SEC16A: variants seen among roughly 807,000 people sequenced by gnomAD.
SEC16A encodes the protein SEC16 homolog A, endoplasmic reticulum export factor, also known as protein transport protein Sec16A.
In SEC16A, 110 loss-of-function variants were observed where a neutral mutation model predicts 221.9. That is an observed-to-expected ratio of 0.50 (90% CI 0.42 to 0.58). The LOEUF (loss-of-function observed/expected upper bound fraction) is 0.58. SEC16A is among the 20% of genes least tolerant of loss of function. SEC16A has a pLI of 0.00. For synonymous variants in SEC16A, 1,393 were observed against 1,257.7 expected (o/e 1.11, Z -2.28); for missense variants, 3,165 against 3,097.8 (o/e 1.02, Z -0.52).
chr9:136,447,601 C>T lies in SEC16A; in HGVS notation c.6527G>A (p.Gly2176Glu), dbSNP rs369288224. The change falls in exon 26 of 32, where the codon GGA (glycine) becomes GAA (glutamate). Residue 2176 changes from glycine (G) to glutamate (E), a missense_variant. By Grantham distance (98) the Gly-to-Glu change is moderately conservative (BLOSUM62 -2). Coordinates refer to ENST00000684901, the MANE Select transcript of SEC16A (RefSeq NM_014866.2). The surrounding 1 kb of genome is among the most constrained non-coding windows in gnomAD (Gnocchi z 5.5). ...TCTAGAGTACATGTTCACGGGGGCTCCAGGAGGCCCTGGGAGGGCAGGCGG... is the reference window on the plus strand; with the variant it reads ...TCTAGAGTACATGTTCACGGGGGCTTCAGGAGGCCCTGGGAGGGCAGGCGG... ...AAPPALPGPP[G>E]APVNMYSRRA... 1.2e-5 allele frequency: 20 copies of T among 1,613,738 alleles called. No homozygotes were observed. The highest frequency in any genetic ancestry group is 1.6e-5 in the Non-Finnish European group (19 of 1,179,776).
At chr9:136,448,022 G>C (rs191332476) in intron 24 of SEC16A, 62 bp downstream of exon 24, 4 of 1,548,806 alleles carry the variant, frequency 2.6e-6, no homozygotes, top group African/African-American at 2.7e-5. Context: ...GGTCTGCTCT[G>C]AAAGTGACAG....
intron 1 of SEC16A, among the ~76,000 whole-genome samples, chr9:136,481,129 CTTTTTTT>C (rs1000992506): frequency 1.0e-4 from 9 of 87,974 alleles, no homozygotes; most frequent in South Asian, 7.9e-4. Context: ...GAATTTTATT[CTTTTTTT>C]TTTTTTTTTT....
upstream of SEC16A, chr9:136,484,605 C>T (rs1842764872): frequency 7.4e-7 from 1 of 1,358,440 alleles, no homozygotes; most frequent in African/African-American, 1.5e-5. Flanking sequence ...GAGGTCCTCC[C>T]TGGGTGGGAG....
chr9:136,466,854 A>G lies in SEC16A; in HGVS notation c.3929+103T>C, dbSNP rs972697860. ...CAAAACATCAGGCAGATGCTCACCC[A>G]AACTACCACAGCTCTTTGTTAAAAC... On this transcript the variant is annotated intron_variant, in intron 6 of 31. Coordinates refer to ENST00000684901, the MANE Select transcript of SEC16A (RefSeq NM_014866.2). The surrounding 1 kb of genome is among the most constrained non-coding windows in gnomAD (Gnocchi z 5.5). 28 of 1,397,864 alleles carry G rather than the reference A, an allele frequency of 2.0e-5. No homozygotes were observed. Among genetic ancestry groups the G allele is most frequent in the Non-Finnish European group, 2.6e-5 (27 of 1,045,190 alleles). The allele number at this position is 1,397,864 out of a possible 1,614,324, so 86.6% of individuals were successfully genotyped here. A position where few individuals can be genotyped will look rare whatever the true frequency, so the allele number is the denominator to read the frequency against.
At position 136,466,153 on chromosome 9, in the gene SEC16A, A is replaced by G. The variant is rs1840122199; in HGVS notation, c.4129-17T>C. ...AATCTGACTCTTAGAAAACAAAGCA[A>G]ACGGGCAAAATCAATTCCCCAGGCA... On this transcript the variant is annotated splice_polypyrimidine_tract_variant and intron_variant, in intron 7 of 31. Coordinates refer to ENST00000684901, the MANE Select transcript of SEC16A (RefSeq NM_014866.2). The surrounding 1 kb of genome is among the most constrained non-coding windows in gnomAD (Gnocchi z 5.5). 6.3e-7 allele frequency: 1 copy of G among 1,576,946 alleles called. No individual in the cohort carries two copies. The highest frequency in any genetic ancestry group is 1.4e-5 in the African/African-American group (1 of 73,970).
chr9:136,481,092 G>A (rs1197542111), intron 1 of SEC16A, among the ~76,000 whole-genome samples: 1 of 148,802 alleles, frequency 6.7e-6, no homozygotes. Flanking sequence ...CAATGCAACT[G>A]CCTATCACCT....
intron 8 of SEC16A, 88 bp from the exon 9 acceptor site, chr9:136,464,650 A>G: frequency 8.4e-7 from 1 of 1,194,638 alleles, no homozygotes; most frequent in Non-Finnish European, 1.2e-6. Context: ...CACAGCTTAA[A>G]TCACAGGTTA....
At position 136,440,592 on chromosome 9, in the gene SEC16A, A is replaced by G. The variant is rs1836084154; in HGVS notation, c.*1163T>C. 1 of 152,688 alleles carries G rather than the reference A, an allele frequency of 6.5e-6. No individual in the cohort carries two copies. Among genetic ancestry groups the G allele is most frequent in the Admixed American group, 6.5e-5 (1 of 15,284 alleles). 9.5% of individuals were successfully genotyped at this position (152,688 alleles called of 1,614,324 possible). On this transcript the variant is annotated 3_prime_UTR_variant, in exon 32 of 32. Coordinates refer to ENST00000684901, the MANE Select transcript of SEC16A (RefSeq NM_014866.2). ...ACTTGACAAGAATACGAAGAGTTTC[A>G]GAACAGTCAGAGAAGCCTTAAAGCT... is the stretch of plus-strand genomic sequence containing the variant.
At chr9:136,450,179 G>C (rs141834295) in intron 23 of SEC16A, among the ~76,000 whole-genome samples, 93 of 152,238 alleles carry the variant, frequency 6.1e-4, no homozygotes, top group African/African-American at 2.1e-3. Flanking sequence ...ACTCCAGCCT[G>C]GCTGACAGAG....
At chr9:136,469,905 C>G (rs549196059) in intron 4 of SEC16A, among the ~76,000 whole-genome samples, 1 of 152,184 alleles carries the variant, frequency 6.6e-6, no homozygotes, top group Non-Finnish European at 1.5e-5. Context: ...CCCTGCTGAC[C>G]GACAGCCTGA....
At position 136,455,106 on chromosome 9, in the gene SEC16A, C is replaced by T. The variant is rs916811838; in HGVS notation, c.5857+495G>A. Among the ~76,000 whole-genome samples, 8 of 152,294 alleles carry T rather than the reference C, an allele frequency of 5.3e-5. No individual in the cohort carries two copies. In the East Asian group the frequency reaches 9.7e-4, roughly 18 times the overall value. Reference sequence around the variant, plus strand: ...AGGAGCCCGTGCTCATCCAGGCATGCGGACCTGCGTGCAGGCCGCGCTGGT... The same window carrying T: ...AGGAGCCCGTGCTCATCCAGGCATGTGGACCTGCGTGCAGGCCGCGCTGGT... On this transcript the variant is annotated intron_variant, in intron 20 of 31. Coordinates refer to ENST00000684901, the MANE Select transcript of SEC16A (RefSeq NM_014866.2).
rs768958293 is a variant in SEC16A, at chr9:136,455,781, C to T, written c.5677G>A (p.Val1893Ile). The change falls in exon 20 of 32, where the codon GTA becomes ATA. Residue 1893 changes from valine (V) to isoleucine (I), a missense_variant. Val to Ile is a conservative substitution (Grantham distance 29, BLOSUM62 3). This residue lies in a region of SEC16A where 1,088 missense variants were observed against 1,089.6 expected (regional missense o/e 1.00). Transcript: ENST00000684901. Reference sequence around the variant, plus strand: ...GGGAGGGCTCCATCCTGATGCCATACTCCAGCCCCCTCCTGAGGGAGAACA... The same window carrying T: ...GGGAGGGCTCCATCCTGATGCCATATTCCAGCCCCCTCCTGAGGGAGAACA... ...VERQIKEGAG[V>I]WHQDGALPQQ... 1.4e-5 allele frequency: 22 copies of T among 1,597,518 alleles called. No homozygotes were observed. Among genetic ancestry groups the T allele is most frequent in the Non-Finnish European group, 1.9e-5 (22 of 1,172,336 alleles).
chr9:136,455,789 C>A lies in SEC16A; in HGVS notation c.5669G>T (p.Gly1890Val). ...TCCATCCTGATGCCATACTCCAGCCCCCTCCTGAGGGAGAACAAGACCTGC... is the reference window on the plus strand; with the variant it reads ...TCCATCCTGATGCCATACTCCAGCCACCTCCTGAGGGAGAACAAGACCTGC... ...LQQVERQIKE[G>V]AGVWHQDGAL... is the part of the protein sequence containing the mutation. The change falls in exon 20 of 32, where the codon GGG (glycine) becomes GTG (valine). Residue 1890 changes from glycine to valine, a missense_variant. This residue lies in a region of SEC16A where 1,088 missense variants were observed against 1,089.6 expected (regional missense o/e 1.00). Coordinates refer to ENST00000684901, the MANE Select transcript of SEC16A (RefSeq NM_014866.2). 6.3e-7 allele frequency: 1 copy of A among 1,596,078 alleles called. No homozygotes were observed. Among genetic ancestry groups the A allele is most frequent in the East Asian group, 2.3e-5 (1 of 43,790 alleles).
Position 136,476,776 on chromosome 9 carries a change from T to C in SEC16A, c.840A>G (p.Arg280=), listed in dbSNP as rs1259153121. 6.2e-7 allele frequency: 1 copy of C among 1,611,386 alleles called. No homozygotes were observed. The highest frequency in any genetic ancestry group is 8.5e-7 in the Non-Finnish European group (1 of 1,178,152). Reference sequence around the variant, plus strand: ...CACTTTGCAAGTGGCTCACCTCGTCTCTTCCGTCACTGGGCAAGGCTGCTG... The same window carrying C: ...CACTTTGCAAGTGGCTCACCTCGTCCCTTCCGTCACTGGGCAAGGCTGCTG... ...APPAALPSDG[R]DEVSHLQSGS... The change falls in exon 3 of 32, where the codon AGA becomes AGG. Residue 280 remains arginine (R), a synonymous_variant. Coordinates refer to ENST00000684901, the MANE Select transcript of SEC16A (RefSeq NM_014866.2).
upstream of SEC16A, chr9:136,483,126 C>G (rs1842629843): frequency 1.6e-6 from 1 of 630,498 alleles, no homozygotes; most frequent in African/African-American, 2.0e-5. Context: ...CGCCCCTCGG[C>G]TCGTCGGCCC....
chr9:136,459,938 C>T lies in SEC16A; in HGVS notation c.5074-64G>A, dbSNP rs963999135. On this transcript the variant is annotated intron_variant, in intron 14 of 31. Coordinates refer to ENST00000684901, the MANE Select transcript of SEC16A (RefSeq NM_014866.2). This position sits in a 1 kb window ranked among gnomAD's most constrained non-coding sequence, Gnocchi z 6.1. ...AAGCCAGCGCCATTTCAATTCCACACAGCTGGGCTCACCAGGCACCTCACG... is the reference window on the plus strand; with the variant it reads ...AAGCCAGCGCCATTTCAATTCCACATAGCTGGGCTCACCAGGCACCTCACG... 6 of 1,544,954 alleles carry T rather than the reference C, an allele frequency of 3.9e-6. No homozygotes were observed. The highest frequency in any genetic ancestry group is 1.4e-5 in the African/African-American group (1 of 73,426).
At chr9:136,462,351 G>A (rs1489563303) in intron 12 of SEC16A, among the ~76,000 whole-genome samples, 1 of 152,064 alleles carries the variant, frequency 6.6e-6, no homozygotes, top group Non-Finnish European at 1.5e-5. Context: ...CAACCCCACT[G>A]TCCCAGAGCA....
chr9:136,483,253 G>C (rs1464261930), upstream of SEC16A, among the ~76,000 whole-genome samples: 2 of 77,696 alleles, frequency 2.6e-5, no homozygotes, highest in Non-Finnish European at 4.9e-5. Flanking sequence ...CCTCGCCGGC[G>C]TCCGTTCTTC....
intron 13 of SEC16A, 93 bp downstream of exon 13, chr9:136,461,084 A>T: frequency 2.1e-6 from 2 of 944,980 alleles, no homozygotes; most frequent in East Asian, 5.2e-5. Context: ...GTCAAGTGAG[A>T]TCCGCCTGCC....
Sources: allele counts gnomAD v4.1 joint callset (sites outside exome capture counted in the v4.1 genomes callset), GRCh38; gene constraint gnomAD v4.1.1; regional missense constraint gnomAD v4.1.1; non-coding constraint Gnocchi (gnomAD v3.1); transcripts MANE v1.5; gene names NCBI Gene and HGNC (gene_info 2026-07-23, HGNC 2026-07-21).